The following NMNAT2 variants were observed in gnomAD, a reference collection of about 807,000 sequenced individuals.
NMNAT2 encodes the protein nicotinamide/nicotinic acid mononucleotide adenylyltransferase 2.
NMNAT2 carries 11 observed loss-of-function variants against 41.6 expected under a neutral mutation model. The observed-to-expected ratio is 0.26, with a 90% CI of 0.17 to 0.44. NMNAT2 has a LOEUF of 0.44. NMNAT2 is among the 20% of genes least tolerant of loss of function. The pLI is 1.00. For missense variants in NMNAT2, 288 were observed against 407.7 expected (o/e 0.71, Z 2.53); for synonymous variants, 148 against 151.2 (o/e 0.98, Z 0.16).
At chr1:183,404,495 G>A (rs1267690125) in intron 1 of NMNAT2, among the ~76,000 whole-genome samples, 1 of 152,194 alleles carries the variant, frequency 6.6e-6, no homozygotes, top group Non-Finnish European at 1.5e-5. Flanking sequence ...TGACTGATGA[G>A]AAATGCTGGT....
intron 1 of NMNAT2, among the ~76,000 whole-genome samples, chr1:183,358,604 G>A (rs1253409849): frequency 6.6e-6 from 1 of 152,168 alleles, no homozygotes; most frequent in African/African-American, 2.4e-5. Flanking sequence ...AGAAGGGAGA[G>A]CTGGAGAGTA....
At chr1:183,405,960 T>C (rs1648943868) in intron 1 of NMNAT2, among the ~76,000 whole-genome samples, 1 of 152,190 alleles carries the variant, frequency 6.6e-6, no homozygotes, top group Admixed American at 6.5e-5. Context: ...AATACACCAG[T>C]TAGATTTTTT....
intron 1 of NMNAT2, among the ~76,000 whole-genome samples, chr1:183,372,642 C>T (rs1485988354): frequency 3.9e-5 from 6 of 152,228 alleles, no homozygotes; most frequent in South Asian, 2.1e-4. Context: ...TCTTCAAATG[C>T]TTTGCTTCTG....
rs1440496980 is a variant in NMNAT2 at position 183,283,978 on chromosome 1, TTC to T, written c.574+15_574+16del. On this transcript the variant is annotated intron_variant, in intron 7 of 10. Coordinates refer to ENST00000287713, the MANE Select transcript of NMNAT2 (RefSeq NM_015039.4). Reference sequence around the variant, plus strand: ...TCCAAATGTCCCCATTTTCCGCACTTTCGCAGTCCCACTCACCAATCTCTTCA... The same window carrying T: ...TCCAAATGTCCCCATTTTCCGCACTTGCAGTCCCACTCACCAATCTCTTCA... 17 of 1,613,662 alleles carry T rather than the reference TTC, an allele frequency of 1.1e-5. No individual in the cohort carries two copies. The highest frequency in any genetic ancestry group is 1.4e-5 in the Non-Finnish European group (17 of 1,179,776).
At chr1:183,300,769 G>C (rs552305396) in intron 1 of NMNAT2, among the ~76,000 whole-genome samples, 3 of 152,214 alleles carry the variant, frequency 2.0e-5, no homozygotes, top group Admixed American at 6.5e-5. Context: ...GCAGTGGCAA[G>C]CAAGCTGGAG....
chr1:183,341,739 A>AAAAAC (rs1557883716), intron 1 of NMNAT2, among the ~76,000 whole-genome samples: 3 of 141,450 alleles, frequency 2.1e-5, no homozygotes, highest in African/African-American at 7.9e-5. Context: ...AAAAAAAAAA[A>AAAAAC]AAAAAAAACC....
intron 1 of NMNAT2, among the ~76,000 whole-genome samples, chr1:183,379,011 C>G (rs1047120928): frequency 1.3e-5 from 2 of 151,340 alleles, no homozygotes; most frequent in African/African-American, 2.4e-5. Context: ...CCACTGCACT[C>G]CAGCCTGGGT....
chr1:183,407,341 G>A (rs540861940), intron 1 of NMNAT2, among the ~76,000 whole-genome samples: 9 of 152,168 alleles, frequency 5.9e-5, no homozygotes, highest in Non-Finnish European at 1.2e-4. Context: ...TGATTTTGAA[G>A]TCCCTAAGTC....
chr1:183,380,582 G>T (rs1305169139), intron 1 of NMNAT2, among the ~76,000 whole-genome samples: 5 of 152,206 alleles, frequency 3.3e-5, no homozygotes, highest in Admixed American at 2.0e-4. Flanking sequence ...ATATGAGAGA[G>T]GGTGAAAAAT....
intron 1 of NMNAT2, among the ~76,000 whole-genome samples, chr1:183,391,915 C>A (rs1468179194): frequency 6.6e-6 from 1 of 152,172 alleles, no homozygotes; most frequent in East Asian, 1.9e-4. Flanking sequence ...TCACTGTTAG[C>A]ATTGCTGCCT....
intron 1 of NMNAT2, among the ~76,000 whole-genome samples, chr1:183,404,704 C>T (rs1199988294): frequency 2.0e-5 from 3 of 152,202 alleles, no homozygotes; most frequent in Non-Finnish European, 2.9e-5. Flanking sequence ...CAGTGCTTTA[C>T]AAGCAATGCT....
At chr1:183,397,767 A>C (rs1048323849) in intron 1 of NMNAT2, among the ~76,000 whole-genome samples, 1 of 152,222 alleles carries the variant, frequency 6.6e-6, no homozygotes, top group Non-Finnish European at 1.5e-5. Flanking sequence ...AACATTTTTA[A>C]AGAAAAGAAT....
chr1:183,283,927 T>G, intron 7 of NMNAT2, 68 bp downstream of exon 7: 2 of 1,466,522 alleles, frequency 1.4e-6, no homozygotes, highest in Non-Finnish European at 1.9e-6. Context: ...CTGCTCCCCA[T>G]GTTGCCTGTC....
chr1:183,322,393 T>C (rs181400848), intron 1 of NMNAT2, among the ~76,000 whole-genome samples: 23 of 152,292 alleles, frequency 1.5e-4, no homozygotes, highest in Non-Finnish European at 2.8e-4. Context: ...TTCATTACCT[T>C]GTACTGCACC....
chr1:183,274,209 G>T (rs1277989419), intron 8 of NMNAT2, among the ~76,000 whole-genome samples: 8 of 152,046 alleles, frequency 5.3e-5, no homozygotes, highest in Non-Finnish European at 5.9e-5. Flanking sequence ...CACTGCGCCT[G>T]GCTGGCCAGC....
At chr1:183,260,858 A>C in intron 10 of NMNAT2, 144 bp downstream of exon 10, 1 of 690,744 alleles carries the variant, frequency 1.4e-6, no homozygotes, top group East Asian at 2.5e-5. Context: ...AATGGCTGTG[A>C]ACAAATGAGG....
At chr1:183,265,960 G>T (rs550606) in intron 8 of NMNAT2, among the ~76,000 whole-genome samples, 1 of 152,218 alleles carries the variant, frequency 6.6e-6, no homozygotes, top group Non-Finnish European at 1.5e-5. Context: ...AGATGGAGTA[G>T]AAAGAGATTT....
intron 1 of NMNAT2, among the ~76,000 whole-genome samples, chr1:183,401,012 T>A (rs1648793670): frequency 6.6e-6 from 1 of 152,182 alleles, no homozygotes; most frequent in African/African-American, 2.4e-5. Context: ...GGGCAAGGAC[T>A]TAATGACTAA....
chr1:183,299,652 TAA>T (rs201365352), intron 1 of NMNAT2, among the ~76,000 whole-genome samples: 28 of 139,976 alleles, frequency 2.0e-4, no homozygotes, highest in Non-Finnish European at 1.4e-4. Context: ...CTCTGTCTCT[TAA>T]AAAAAAAAAA....
Sources: gnomAD v4.1 joint callset for allele counts (sites outside exome capture counted in the v4.1 genomes callset) on GRCh38, gnomAD v4.1.1 for gene constraint, MANE v1.5 for transcripts, NCBI Gene and HGNC (gene_info 2026-07-23, HGNC 2026-07-21) for gene names.